ZDHHC7: variants seen among roughly 807,000 people sequenced by gnomAD.
The protein encoded by ZDHHC7 is palmitoyltransferase ZDHHC7.
In ZDHHC7, 12 loss-of-function variants were observed where a neutral mutation model predicts 34.1. The ratio of observed to expected loss-of-function variants is 0.35; its 90% confidence interval spans 0.23 to 0.57. The LOEUF is 0.57. ZDHHC7 is among the 20% of genes least tolerant of loss of function. The probability of loss-of-function intolerance (pLI) is 0.84; values close to 1 mark genes in which losing one functional copy is unlikely to be tolerated. For missense variants in ZDHHC7, 388 were observed against 402.7 expected, an observed-to-expected ratio of 0.96 and a Z score of 0.31; for synonymous variants, 185 against 155.4, an observed-to-expected ratio of 1.19 and a Z score of -1.42.
At chr16:84,982,947 C>A (rs1335269731) in intron 3 of ZDHHC7, among the ~76,000 whole-genome samples, 1 of 152,224 alleles carries the variant, frequency 6.6e-6, no homozygotes, top group Non-Finnish European at 1.5e-5. Flanking sequence ...GAAGGTAAGG[C>A]CAGAGCTGGC....
At chr16:84,996,692 G>C (rs931906884) in intron 1 of ZDHHC7, among the ~76,000 whole-genome samples, 1 of 152,098 alleles carries the variant, frequency 6.6e-6, no homozygotes, top group Non-Finnish European at 1.5e-5. Context: ...CCCCCGCCAC[G>C]GACACAGAGG....
chr16:84,984,631 A>G lies in ZDHHC7; in HGVS notation c.316-2637T>C, dbSNP rs554629478. Among the ~76,000 whole-genome samples, 96 of 152,324 alleles carry G rather than the reference A, an allele frequency of 6.3e-4. 1 individual carries two copies. The highest frequency in any genetic ancestry group is 1.2e-3 in the Non-Finnish European group (80 of 68,030). The stretch of plus-strand genomic sequence containing the variant: ...GCATTTCGAAGGGGAAGCCAAGTAC[A>G]CATTGGGTGATCCTCAGGGACCTGA... On this transcript the variant is annotated intron_variant, in intron 3 of 7. Transcript: ENST00000313732.
intron 4 of ZDHHC7, 85 bp downstream of exon 4, chr16:84,981,785 G>C: frequency 6.2e-7 from 1 of 1,604,730 alleles, no homozygotes; most frequent in South Asian, 1.1e-5. Flanking sequence ...TGTACCTACG[G>C]TGGTGGGCGC....
At chr16:85,009,701 C>CTTTTTTTTTTTTTT (rs200213740) in intron 1 of ZDHHC7, among the ~76,000 whole-genome samples, 1 of 132,296 alleles carries the variant, frequency 7.6e-6, no homozygotes, top group Admixed American at 8.8e-5. Context: ...CAAGTTCTGA[C>CTTTTTTTTTTTTTT]TTTTTTTCTT....
rs34800588 is a variant in ZDHHC7, at chr16:84,982,344, C to CAAA, written c.316-353_316-351dup. ...TGGGCGACAGGGCAAGACTCCATCT[C>CAAA]AAAAAAAAAAAAAAAATCATATATT... On this transcript the variant is annotated intron_variant, in intron 3 of 7. Coordinates refer to ENST00000313732, the MANE Select transcript of ZDHHC7 (RefSeq NM_017740.3). Among the ~76,000 whole-genome samples the CAAA allele has an allele frequency of 3.6e-4, 40 of 111,264 alleles. 1 individual carries two copies. The highest frequency in any genetic ancestry group is 6.8e-4 in the African/African-American group (21 of 30,900). 73.0% of individuals were successfully genotyped at this position (111,264 alleles called of 152,430 possible). A position where few individuals can be genotyped will look rare whatever the true frequency, so the allele number is the denominator to read the frequency against.
the ZDHHC7 span, among the ~76,000 whole-genome samples, chr16:85,022,458 G>A: frequency 6.6e-6 from 1 of 152,166 alleles, no homozygotes; most frequent in Non-Finnish European, 1.5e-5. Context: ...GGGAGGCGGA[G>A]GTTGCAGTGA....
intron 6 of ZDHHC7, 32 bp from the exon 7 acceptor site, chr16:84,977,257 TCCTGAATAC>T: frequency 6.2e-7 from 1 of 1,610,854 alleles, no homozygotes. Flanking sequence ...TTATAACTGG[TCCTGAATAC>T]CCCGAGTGGC....
chr16:85,025,219 T>G, the ZDHHC7 span, among the ~76,000 whole-genome samples: 3 of 151,310 alleles, frequency 2.0e-5, no homozygotes, highest in African/African-American at 7.3e-5. Context: ...TGGAGGTTGC[T>G]GAGATTGCGT....
chr16:85,010,918 T>TGCCTA (rs1306925221), intron 1 of ZDHHC7, among the ~76,000 whole-genome samples: 2 of 152,232 alleles, frequency 1.3e-5, no homozygotes, highest in Admixed American at 1.3e-4. Flanking sequence ...TTGTAATACC[T>TGCCTA]GCCTATTAAA....
chr16:84,977,739 TG>T (rs2072316722), intron 6 of ZDHHC7, among the ~76,000 whole-genome samples, 184 bp downstream of exon 6: 1 of 152,248 alleles, frequency 6.6e-6, no homozygotes, highest in South Asian at 2.1e-4. Flanking sequence ...CACAAGCTTT[TG>T]GGGCAACAAT....
chr16:84,976,947 C>A, intron 7 of ZDHHC7, 148 bp downstream of exon 7: 1 of 1,225,280 alleles, frequency 8.2e-7, no homozygotes, highest in South Asian at 1.5e-5. Flanking sequence ...AAAGAAACAG[C>A]AAACACAGGG....
In ZDHHC7 at chr16:84,987,738, C is replaced by A. The variant is rs140352872; in HGVS notation, c.315+2566G>T. Among the ~76,000 whole-genome samples, 22 of 152,312 alleles carry A rather than the reference C, an allele frequency of 1.4e-4. No homozygotes were observed. The East Asian group carries it at 3.9e-3, about 27-fold the overall frequency. ...ACGATGGCTATAGGTGAGAAGGGTCCGGCCAGAGCATGGAATATTATTCAG... is the reference window on the plus strand; with the variant it reads ...ACGATGGCTATAGGTGAGAAGGGTCAGGCCAGAGCATGGAATATTATTCAG... On this transcript the variant is annotated intron_variant, in intron 3 of 7. Coordinates refer to ENST00000313732, the MANE Select transcript of ZDHHC7 (RefSeq NM_017740.3).
At chr16:84,997,398 A>T (rs758509266) in intron 1 of ZDHHC7, among the ~76,000 whole-genome samples, 66 of 149,192 alleles carry the variant, frequency 4.4e-4, no homozygotes, top group Admixed American at 1.3e-3. Context: ...CCTCCTGAGT[A>T]GCTGGGACTA....
intron 1 of ZDHHC7, among the ~76,000 whole-genome samples, chr16:85,010,320 C>G (rs182519038): frequency 6.6e-6 from 1 of 152,150 alleles, no homozygotes; most frequent in Non-Finnish European, 1.5e-5. Context: ...CGAGCCACCG[C>G]GTGCGTACCA....
At chr16:85,009,769 C>G (rs1474655848) in intron 1 of ZDHHC7, among the ~76,000 whole-genome samples, 1 of 137,294 alleles carries the variant, frequency 7.3e-6, no homozygotes, top group Non-Finnish European at 1.5e-5. Flanking sequence ...AGTGCAGTGG[C>G]GCGATCTTGG....
intron 1 of ZDHHC7, among the ~76,000 whole-genome samples, chr16:85,001,501 C>A (rs1054251180): frequency 1.6e-4 from 19 of 121,868 alleles, no homozygotes; most frequent in African/African-American, 6.0e-4. Flanking sequence ...AAATGGATGG[C>A]AAGAGCCAGG....
At chr16:85,027,452 T>C in the ZDHHC7 span, among the ~76,000 whole-genome samples, 3 of 152,168 alleles carry the variant, frequency 2.0e-5, no homozygotes, top group Non-Finnish European at 2.9e-5. Flanking sequence ...AGCTCCCTGA[T>C]GGCGCTTCCC....
chr16:84,998,589 C>T (rs910669749), intron 1 of ZDHHC7, among the ~76,000 whole-genome samples: 3 of 152,118 alleles, frequency 2.0e-5, no homozygotes, highest in Non-Finnish European at 4.4e-5. Flanking sequence ...TGTGCCAAGC[C>T]TCCACCTGGG....
upstream of ZDHHC7, among the ~76,000 whole-genome samples, chr16:85,012,276 C>G (rs973866020): frequency 1.3e-5 from 2 of 151,246 alleles, no homozygotes; most frequent in Non-Finnish European, 2.9e-5. Context: ...CCAGCAGCTA[C>G]TCGAGAGGCT....
Sources: allele counts gnomAD v4.1 joint callset (sites outside exome capture counted in the v4.1 genomes callset), GRCh38; gene constraint gnomAD v4.1.1; transcripts MANE v1.5; gene names NCBI Gene and HGNC (gene_info 2026-07-23, HGNC 2026-07-21).